RAD51: variants seen among roughly 807,000 people sequenced by gnomAD.
RAD51 encodes RAD51 recombinase.
RAD51 carries 14 observed loss-of-function variants against 41.5 expected under a neutral mutation model. That is an observed-to-expected ratio of 0.34 (90% CI 0.22 to 0.53). The LOEUF (loss-of-function observed/expected upper bound fraction) is 0.53. Among genes scored for constraint, RAD51 ranks in the 20% least tolerant of loss-of-function variants. The pLI, the probability that RAD51 is intolerant of heterozygous loss-of-function variation, is 0.95. For missense variants in RAD51, 234 were observed against 422.0 expected, an observed-to-expected ratio of 0.55 and a Z score of 3.90; for synonymous variants, 136 against 148.6, an observed-to-expected ratio of 0.92 and a Z score of 0.62.
In RAD51 at chr15:40,705,691, G is replaced by A. The variant is rs534984470; in HGVS notation, c.226-486G>A. 4.6e-5 allele frequency among the ~76,000 whole-genome samples: 7 copies of A among 152,216 alleles called. No individual in the cohort carries two copies. In the South Asian group the frequency reaches 8.3e-4, roughly 18 times the overall value. On this transcript the variant is annotated intron_variant, in intron 3 of 9. Transcript: ENST00000267868. Reference sequence around the variant, plus strand: ...GCGATCTCGGCTCACTGCAAGCTCCGCCTCCCGGGTTCACGCCTTTCTCCT... The same window carrying A: ...GCGATCTCGGCTCACTGCAAGCTCCACCTCCCGGGTTCACGCCTTTCTCCT...
At position 40,731,188 on chromosome 15, in the gene RAD51, T is replaced by C; in HGVS notation, c.*10T>C. 6.2e-7 allele frequency: 1 copy of C among 1,613,698 alleles called. No individual in the cohort carries two copies. Among genetic ancestry groups the C allele is most frequent in the Non-Finnish European group, 8.5e-7 (1 of 1,179,894 alleles). On this transcript the variant is annotated 3_prime_UTR_variant, in exon 10 of 10. Transcript: ENST00000267868. ...AGATGCCAAAGACTGAATCATTGGG[T>C]TTTTCCTCTGTTAAAAACCTTAAGT...
intron 6 of RAD51, among the ~76,000 whole-genome samples, chr15:40,725,563 C>G (rs529437407): frequency 6.6e-6 from 1 of 152,236 alleles, no homozygotes; most frequent in African/African-American, 2.4e-5. Flanking sequence ...CTCTGGGGTT[C>G]CCAGAACATG....
chr15:40,700,086 A>G (rs1894889701), intron 2 of RAD51, among the ~76,000 whole-genome samples: 1 of 152,160 alleles, frequency 6.6e-6, no homozygotes. Flanking sequence ...AAACATGCAT[A>G]TTGCTTAAAT....
chr15:40,729,995 G>C lies in RAD51; in HGVS notation c.896+21G>C, dbSNP rs1224795959. 3 of 1,612,962 alleles carry C rather than the reference G, an allele frequency of 1.9e-6. No individual in the cohort carries two copies. In the African/African-American group the frequency reaches 4.0e-5, roughly 22 times the overall value. ...ACCAGGTAAGGTGTTGATGGGATCA[G>C]TTCTTCTTTTCGGAATGTCATATTA... On this transcript the variant is annotated intron_variant, in intron 9 of 9. Transcript: ENST00000267868.
chr15:40,730,347 C>CA (rs960266887), intron 9 of RAD51, among the ~76,000 whole-genome samples: 85 of 150,990 alleles, frequency 5.6e-4, no homozygotes, highest in Non-Finnish European at 9.7e-4. Context: ...TCTGTCTCTA[C>CA]AAAAAAAAGT....
chr15:40,705,874 G>T (rs1895303065), intron 3 of RAD51, among the ~76,000 whole-genome samples: 1 of 152,164 alleles, frequency 6.6e-6, no homozygotes, highest in East Asian at 1.9e-4. Context: ...CCAAAGTGCT[G>T]GGATTACAGG....
At chr15:40,728,867 C>T (rs1267087231) in intron 7 of RAD51, 43 bp downstream of exon 7, 1 of 1,505,864 alleles carries the variant, frequency 6.6e-7, no homozygotes, top group Non-Finnish European at 9.2e-7. Context: ...CTTAAGAGTC[C>T]TTCCCTGAAT....
intron 9 of RAD51, among the ~76,000 whole-genome samples, chr15:40,730,515 T>TTTTTCTTTTTTTTTTTTTTC (rs1555429742): frequency 0.016 from 1,930 of 117,648 alleles, 30 homozygotes; most frequent in Non-Finnish European, 0.026. Context: ...GAAAAAATTT[T>TTTTTCTTTTTTTTTTTTTTC]TTTTCTTTTT....
At chr15:40,694,925 G>C (rs1479569874), upstream of RAD51, 1 of 152,302 alleles carries the variant, frequency 6.6e-6, no homozygotes, top group African/African-American at 2.4e-5. Flanking sequence ...CCTAGGCTCA[G>C]ACGATACTCT....
intron 5 of RAD51, among the ~76,000 whole-genome samples, chr15:40,713,088 C>T (rs182954611): frequency 9.9e-4 from 150 of 151,560 alleles, no homozygotes; most frequent in Non-Finnish European, 1.9e-3. Context: ...ACCATGTTGG[C>T]CAGGCTGGTC....
intron 5 of RAD51, among the ~76,000 whole-genome samples, chr15:40,718,307 C>A (rs1896086582): frequency 6.6e-6 from 1 of 152,226 alleles, no homozygotes; most frequent in African/African-American, 2.4e-5. Flanking sequence ...CACCTGAGGT[C>A]AGGAGTTCAA....
chr15:40,713,610 T>A (rs1274407772), intron 5 of RAD51, among the ~76,000 whole-genome samples: 12 of 149,350 alleles, frequency 8.0e-5, no homozygotes, highest in Admixed American at 8.0e-4. Context: ...TGTTACAATT[T>A]TTTTTTTTTT....
chr15:40,703,903 T>A (rs1351616848), intron 3 of RAD51, among the ~76,000 whole-genome samples: 1 of 151,898 alleles, frequency 6.6e-6, no homozygotes, highest in Non-Finnish European at 1.5e-5. Context: ...TAGGTTATGA[T>A]TTATCTTTTT....
In RAD51 at chr15:40,731,712, A is replaced by G. The variant is rs146115814; in HGVS notation, c.*534A>G. The G allele has an allele frequency of 9.9e-4, 229 of 230,798 alleles. No homozygotes were observed. The highest frequency in any genetic ancestry group is 4.7e-3 in the African/African-American group (212 of 44,856). The allele number at this position is 230,798 out of a possible 1,614,324, so 14.3% of individuals were successfully genotyped here. On this transcript the variant is annotated 3_prime_UTR_variant, in exon 10 of 10. Transcript: ENST00000267868. Reference sequence around the variant, plus strand: ...TATGGAGTCTTGTGCCAAACCTACTAGGCCATTAGCCCTTCACCATCTACC... The same window carrying G: ...TATGGAGTCTTGTGCCAAACCTACTGGGCCATTAGCCCTTCACCATCTACC...
At chr15:40,695,153 T>TG (rs1219690831), upstream of RAD51, 2 of 152,292 alleles carry the variant, frequency 1.3e-5, no homozygotes, top group Non-Finnish European at 2.9e-5. Flanking sequence ...GGCGTGACCC[T>TG]GGGCGAGAGG....
At chr15:40,706,571 C>A (rs1895354666) in intron 4 of RAD51, among the ~76,000 whole-genome samples, 1 of 152,116 alleles carries the variant, frequency 6.6e-6, no homozygotes. Context: ...TGCCTGTAAT[C>A]CCTGTAGGTG....
chr15:40,724,670 A>ATTTGTTTTTTTT (rs757564729), intron 6 of RAD51, among the ~76,000 whole-genome samples: 2 of 72,028 alleles, frequency 2.8e-5, no homozygotes, highest in Admixed American at 1.6e-4. Context: ...TAATTTTTTT[A>ATTTGTTTTTTTT]TTTCTTTTTT....
In RAD51 at chr15:40,706,397, G is replaced by T. The variant is rs145689397; in HGVS notation, c.343+103G>T. The stretch of plus-strand genomic sequence containing the variant: ...GTGTAGCATTTCCTTGTTAGATAAT[G>T]ATAAAGAGATAGAGGAAGGCCAGGT... On this transcript the variant is annotated intron_variant, in intron 4 of 9. Coordinates refer to ENST00000267868, the MANE Select transcript of RAD51 (RefSeq NM_002875.5). 1,772 of 1,006,298 alleles carry T rather than the reference G, an allele frequency of 1.8e-3. 1 individual carries two copies. Among genetic ancestry groups the T allele is most frequent in the Admixed American group, 2.9e-3 (153 of 51,984 alleles). The allele number at this position is 1,006,298 out of a possible 1,614,324, so 62.3% of individuals were successfully genotyped here.
In RAD51 at chr15:40,702,833, A is replaced by T. The variant is rs1461457715; in HGVS notation, c.225+1632A>T. 2.1e-4 allele frequency among the ~76,000 whole-genome samples: 29 copies of T among 135,766 alleles called. No individual in the cohort carries two copies. In the East Asian group the frequency reaches 3.0e-3, roughly 14 times the overall value. 89.1% of individuals were successfully genotyped at this position (135,766 alleles called of 152,430 possible). ...GTGCCCACCTTTTTTTTTTTTTTTTAAAGAAAAAAAAGAAAAGTCTCACTC... is the reference window on the plus strand; with the variant it reads ...GTGCCCACCTTTTTTTTTTTTTTTTTAAGAAAAAAAAGAAAAGTCTCACTC... On this transcript the variant is annotated intron_variant, in intron 3 of 9. Transcript: ENST00000267868.
Sources: gnomAD v4.1 joint callset for allele counts (sites outside exome capture counted in the v4.1 genomes callset) on GRCh38, gnomAD v4.1.1 for gene constraint, MANE v1.5 for transcripts, NCBI Gene and HGNC (gene_info 2026-07-23, HGNC 2026-07-21) for gene names.